Variants in PKP4 observed in about 807,000 individuals in gnomAD.
PKP4 encodes plakophilin 4, also known as plakophilin-4.
In PKP4, 90 loss-of-function variants were observed where a neutral mutation model predicts 145.1. The observed-to-expected ratio is 0.62, with a 90% CI of 0.52 to 0.74. PKP4 has a LOEUF of 0.74. PKP4 is among the 30% of genes least tolerant of loss of function. The probability of loss-of-function intolerance (pLI) is 0.00; values close to 1 mark genes in which losing one functional copy is unlikely to be tolerated. For missense variants in PKP4, 1,340 were observed against 1,482.7 expected (o/e 0.90, Z 1.58); for synonymous variants, 563 against 577.2 (o/e 0.98, Z 0.35).
chr2:158,599,489 T>A (rs1383202019), intron 3 of PKP4, among the ~76,000 whole-genome samples: 1 of 152,122 alleles, frequency 6.6e-6, no homozygotes, highest in Non-Finnish European at 1.5e-5. Context: ...AGGAGTCAGT[T>A]TAGAGGGAAA....
At chr2:158,464,413 T>C (rs1690264083) in intron 1 of PKP4, among the ~76,000 whole-genome samples, 1 of 152,190 alleles carries the variant, frequency 6.6e-6, no homozygotes, top group African/African-American at 2.4e-5. Context: ...AAAAGTAATT[T>C]AAAAATTCAG....
intron 9 of PKP4, 84 bp from the exon 10 acceptor site, chr2:158,640,543 T>C (rs1346236479): frequency 3.4e-6 from 5 of 1,456,438 alleles, no homozygotes; most frequent in Non-Finnish European, 4.7e-6. Context: ...TCAGCTGAGC[T>C]TTTTTTCCTT....
intron 2 of PKP4, among the ~76,000 whole-genome samples, chr2:158,574,457 A>AAT (rs2047672109): frequency 6.6e-6 from 1 of 152,192 alleles, no homozygotes; most frequent in Admixed American, 6.5e-5. Flanking sequence ...TTTGGAAATT[A>AAT]TTAGATGTGT....
chr2:158,517,427 T>A (rs1414161052), intron 1 of PKP4, among the ~76,000 whole-genome samples: 1 of 152,228 alleles, frequency 6.6e-6, no homozygotes, highest in Non-Finnish European at 1.5e-5. Flanking sequence ...GTGTTTCACC[T>A]CTTATTTCCT....
At position 158,603,122 on chromosome 2, in the gene PKP4, TA is replaced by T; in HGVS notation, c.280+22del. The T allele has an allele frequency of 7.2e-7, 1 of 1,391,186 alleles. No homozygotes were observed. The highest frequency in any genetic ancestry group is 9.9e-7 in the Non-Finnish European group (1 of 1,012,648). 86.2% of individuals were successfully genotyped at this position (1,391,186 alleles called of 1,614,324 possible). A position where few individuals can be genotyped will look rare whatever the true frequency, so the allele number is the denominator to read the frequency against. On this transcript the variant is annotated intron_variant, in intron 4 of 21. Coordinates refer to ENST00000389759, the MANE Select transcript of PKP4 (RefSeq NM_003628.6). Reference sequence around the variant, plus strand: ...ATCAACAGGTATGTTTTTTATTATATAAAAGTTATGTTTGATAAACACAAAT... The same window carrying T: ...ATCAACAGGTATGTTTTTTATTATATAAAGTTATGTTTGATAAACACAAAT...
At chr2:158,531,783 T>G (rs2043572494) in intron 1 of PKP4, among the ~76,000 whole-genome samples, 1 of 152,210 alleles carries the variant, frequency 6.6e-6, no homozygotes, top group Non-Finnish European at 1.5e-5. Flanking sequence ...AGATCCTGCC[T>G]GCAGTTCAAA....
chr2:158,670,787 C>T (rs1047461197), intron 17 of PKP4, among the ~76,000 whole-genome samples: 4 of 152,208 alleles, frequency 2.6e-5, no homozygotes, highest in African/African-American at 9.7e-5. Context: ...GCGCATTTCC[C>T]TTTGCTTCTG....
intron 10 of PKP4, among the ~76,000 whole-genome samples, chr2:158,641,303 A>G (rs1018671350): frequency 1.3e-5 from 2 of 151,910 alleles, no homozygotes; most frequent in African/African-American, 4.8e-5. Context: ...AAGCCACTGC[A>G]CTACAGCCTA....
intron 11 of PKP4, among the ~76,000 whole-genome samples, chr2:158,642,931 T>C (rs1349062214): frequency 6.6e-6 from 1 of 152,242 alleles, no homozygotes; most frequent in African/African-American, 2.4e-5. Flanking sequence ...TTTGTAAATA[T>C]CAGCTAACAG....
intron 3 of PKP4, among the ~76,000 whole-genome samples, chr2:158,581,268 G>A (rs574301038): frequency 2.6e-5 from 4 of 152,208 alleles, no homozygotes; most frequent in Non-Finnish European, 5.9e-5. Flanking sequence ...GTTGCTTTGG[G>A]CCATCAAGCT....
rs1301137119 is a variant in PKP4, at chr2:158,477,242, A to AG, written c.-6+20028dup. ...ACCATATGCAGTTCTTTCCTTTTAC[A>AG]GGGGAAGAGCTTGAGATCTGGAGAC... On this transcript the variant is annotated intron_variant, in intron 1 of 21. Coordinates refer to ENST00000389759, the MANE Select transcript of PKP4 (RefSeq NM_003628.6). Among the ~76,000 whole-genome samples the AG allele has an allele frequency of 3.2e-4, 47 of 145,526 alleles. 1 individual carries two copies.
At chr2:158,665,114 A>C (rs1179400083) in intron 15 of PKP4, among the ~76,000 whole-genome samples, 1 of 152,196 alleles carries the variant, frequency 6.6e-6, no homozygotes, top group Non-Finnish European at 1.5e-5. Context: ...AAATGAGATA[A>C]TCGTGGCCAC....
intron 2 of PKP4, among the ~76,000 whole-genome samples, chr2:158,539,000 C>T (rs1241151818): frequency 6.6e-6 from 1 of 152,202 alleles, no homozygotes; most frequent in East Asian, 1.9e-4. Flanking sequence ...GGTGAGGTCT[C>T]AAGTTAGATA....
chr2:158,493,059 CT>C (rs1219689972), intron 1 of PKP4, among the ~76,000 whole-genome samples: 1 of 152,032 alleles, frequency 6.6e-6, no homozygotes. Flanking sequence ...ACCCCCTTGT[CT>C]CATTCTTTTT....
chr2:158,606,349 AT>A (rs199922286), intron 4 of PKP4, among the ~76,000 whole-genome samples: 7 of 152,102 alleles, frequency 4.6e-5, no homozygotes, highest in East Asian at 1.9e-4. Context: ...AAAAAAAAAA[AT>A]AATAATAAAA....
chr2:158,518,384 A>C (rs988145717), intron 1 of PKP4, among the ~76,000 whole-genome samples: 6 of 152,246 alleles, frequency 3.9e-5, no homozygotes, highest in Non-Finnish European at 7.3e-5. Flanking sequence ...AAAGCAAGTC[A>C]CATGGCCAGT....
At chr2:158,601,031 T>C (rs2050182269) in intron 3 of PKP4, among the ~76,000 whole-genome samples, 2 of 152,178 alleles carry the variant, frequency 1.3e-5, no homozygotes, top group Non-Finnish European at 1.5e-5. Flanking sequence ...TACTAGGTAA[T>C]ACCTGGTAAT....
chr2:158,517,397 C>CT (rs2042019501), intron 1 of PKP4, among the ~76,000 whole-genome samples: 1 of 152,162 alleles, frequency 6.6e-6, no homozygotes. Context: ...TGTTGAAACT[C>CT]TTTTGAGCCC....
intron 7 of PKP4, among the ~76,000 whole-genome samples, chr2:158,627,650 A>AATATATATATATATAT (rs3836167): frequency 1.0e-3 from 151 of 147,646 alleles, no homozygotes; most frequent in South Asian, 3.2e-3. Flanking sequence ...AAACTACAGA[A>AATATATATATATATAT]ATATATATAT....
Sources: allele counts gnomAD v4.1 joint callset (sites outside exome capture counted in the v4.1 genomes callset), GRCh38; gene constraint gnomAD v4.1.1; transcripts MANE v1.5; gene names NCBI Gene and HGNC (gene_info 2026-07-23, HGNC 2026-07-21).